Variants in CRYM observed in about 807,000 individuals in gnomAD.
The protein encoded by CRYM is crystallin mu, also known as ketimine reductase mu-crystallin.
A neutral mutation model predicts 32.9 loss-of-function variants in CRYM; 18 were observed. The observed-to-expected ratio is 0.55, with a 90% CI of 0.38 to 0.81. CRYM has a LOEUF of 0.81. Among genes scored for constraint, CRYM ranks in the 30% least tolerant of loss-of-function variants. CRYM has a pLI of 0.00. For synonymous variants in CRYM, 153 were observed against 152.4 expected (o/e 1.00, Z -0.03); for missense variants, 337 against 393.5 (o/e 0.86, Z 1.21).
chr16:21,261,167 GTCTGGTGAC>G (rs897340131), intron 7 of CRYM, 78 bp downstream of exon 7: 2 of 953,786 alleles, frequency 2.1e-6, no homozygotes, highest in Non-Finnish European at 3.4e-6. Context: ...CAGCTGCAGA[GTCTGGTGAC>G]TCATTGCTCT....
intron 5 of CRYM, among the ~76,000 whole-genome samples, chr16:21,264,701 A>T (rs1378435944): frequency 1.3e-5 from 2 of 152,216 alleles, no homozygotes; most frequent in African/African-American, 2.4e-5. Context: ...CCTTGACTCA[A>T]AATCAAGTCA....
At chr16:21,262,016 C>T in intron 6 of CRYM, 21 bp downstream of exon 6, 1 of 1,613,650 alleles carries the variant, frequency 6.2e-7, no homozygotes, top group South Asian at 1.1e-5. Context: ...GCAGCCCTGA[C>T]TGGGGTCAGA....
At chr16:21,293,188 C>G (rs973618089) in intron 1 of CRYM, among the ~76,000 whole-genome samples, 4 of 152,124 alleles carry the variant, frequency 2.6e-5, no homozygotes, top group African/African-American at 9.7e-5. Flanking sequence ...CCTGTAAAAG[C>G]TTGTGATTAT....
At chr16:21,267,208 A>T (rs1205197376) in intron 5 of CRYM, among the ~76,000 whole-genome samples, 1 of 151,604 alleles carries the variant, frequency 6.6e-6, no homozygotes, top group African/African-American at 2.4e-5. Flanking sequence ...AGCCATTCTC[A>T]TGCCTCAGCC....
intron 5 of CRYM, among the ~76,000 whole-genome samples, chr16:21,264,521 G>A (rs1446805038): frequency 6.6e-6 from 1 of 152,168 alleles, no homozygotes; most frequent in African/African-American, 2.4e-5. Context: ...GGGAGGCATG[G>A]GGCAGGGTGG....
chr16:21,269,923 A>C (rs1402205117), intron 3 of CRYM, 32 bp from the exon 4 acceptor site: 1 of 1,496,180 alleles, frequency 6.7e-7, no homozygotes, highest in South Asian at 1.1e-5. Context: ...GCAAAGGTCA[A>C]GGGAGACCCT....
chr16:21,274,708 C>T (rs926076409), intron 3 of CRYM, among the ~76,000 whole-genome samples: 4 of 152,048 alleles, frequency 2.6e-5, no homozygotes, highest in South Asian at 2.1e-4. Context: ...TGAGTTCAAA[C>T]GTTTCTCCTG....
chr16:21,263,108 G>A (rs887185831), intron 5 of CRYM, among the ~76,000 whole-genome samples: 2 of 152,084 alleles, frequency 1.3e-5, no homozygotes, highest in African/African-American at 4.8e-5. Context: ...GGTGCAATCA[G>A]AACTCACCAC....
chr16:21,290,674 A>G (rs1228231597), intron 1 of CRYM, among the ~76,000 whole-genome samples: 4 of 152,142 alleles, frequency 2.6e-5, no homozygotes, highest in Non-Finnish European at 4.4e-5. Flanking sequence ...TCAGAGCCTT[A>G]CCTCTTAAAC....
chr16:21,268,216 C>T (rs572271845), intron 4 of CRYM, among the ~76,000 whole-genome samples: 2 of 152,090 alleles, frequency 1.3e-5, no homozygotes, highest in Admixed American at 6.5e-5. Flanking sequence ...TCTGAGACCC[C>T]GTAAAGGAGT....
chr16:21,297,121 C>T (rs1390606549), intron 1 of CRYM, among the ~76,000 whole-genome samples: 4 of 152,144 alleles, frequency 2.6e-5, no homozygotes, highest in South Asian at 4.1e-4. Flanking sequence ...AGGCCAGGCG[C>T]GGTGGCTCAC....
chr16:21,297,658 T>C (rs1299624088), intron 1 of CRYM, among the ~76,000 whole-genome samples: 1 of 152,160 alleles, frequency 6.6e-6, no homozygotes, highest in African/African-American at 2.4e-5. Context: ...AATATAACAA[T>C]AAATAGAACC....
At chr16:21,293,389 G>A (rs1403454436) in intron 1 of CRYM, among the ~76,000 whole-genome samples, 1 of 152,156 alleles carries the variant, frequency 6.6e-6, no homozygotes, top group African/African-American at 2.4e-5. Context: ...ATAGAGAGCA[G>A]GTGAGGATTC....
chr16:21,289,993 G>A lies in CRYM; in HGVS notation c.-192-11033C>T, dbSNP rs567472018. On this transcript the variant is annotated intron_variant, in intron 1 of 9. Coordinates refer to the CRYM transcript ENST00000219599. Reference sequence around the variant, plus strand: ...TAAAGGATTGTAAATGGACCAATCAGCACTCTGTAAAATGGACCAATCAGC... The same window carrying A: ...TAAAGGATTGTAAATGGACCAATCAACACTCTGTAAAATGGACCAATCAGC... Among the ~76,000 whole-genome samples the A allele has an allele frequency of 4.1e-5, 6 of 148,126 alleles. No homozygotes were observed. In the South Asian group the frequency reaches 1.1e-3, roughly 26 times the overall value.
At chr16:21,301,726 G>T (rs1960943232) in intron 1 of CRYM, among the ~76,000 whole-genome samples, 1 of 152,238 alleles carries the variant, frequency 6.6e-6, no homozygotes, top group African/African-American at 2.4e-5. Flanking sequence ...CGCGCCCCCA[G>T]CCCTAGTGCA....
At chr16:21,270,403 C>A (rs2093372808) in intron 3 of CRYM, among the ~76,000 whole-genome samples, 2 of 152,010 alleles carry the variant, frequency 1.3e-5, no homozygotes, top group South Asian at 4.2e-4. Flanking sequence ...CCTACCTCAG[C>A]CCCCCGTGGA....
At chr16:21,290,947 G>A (rs1960636253) in intron 1 of CRYM, among the ~76,000 whole-genome samples, 1 of 152,186 alleles carries the variant, frequency 6.6e-6, no homozygotes, top group South Asian at 2.1e-4. Flanking sequence ...GAAGACAGAT[G>A]ATATGGACAT....
intron 7 of CRYM, 100 bp from the exon 8 acceptor site, chr16:21,258,945 GC>G: frequency 2.2e-6 from 2 of 909,436 alleles, no homozygotes; most frequent in Non-Finnish European, 1.8e-6. Flanking sequence ...TGTCCATGTT[GC>G]CAATGCCTAT....
chr16:21,269,779 C>CCCCCCCCG lies in CRYM; in HGVS notation c.489+10_489+11insCGGGGGGG. On this transcript the variant is annotated intron_variant, in intron 4 of 7. Transcript: ENST00000572914. ...TTCCCTCTTCTCTCCCACCCCCACC[C>CCCCCCCCG]CTGGACTTACCTCCTTAAAGGAGAA... 1 of 1,454,142 alleles carries CCCCCCCCG rather than the reference C, an allele frequency of 6.9e-7. No individual in the cohort carries two copies. Among genetic ancestry groups the CCCCCCCCG allele is most frequent in the South Asian group, 1.1e-5 (1 of 87,774 alleles). 90.1% of individuals were successfully genotyped at this position (1,454,142 alleles called of 1,614,324 possible).
Sources: gnomAD v4.1 joint callset for allele counts (sites outside exome capture counted in the v4.1 genomes callset) on GRCh38, gnomAD v4.1.1 for gene constraint, MANE v1.5 for transcripts, NCBI Gene and HGNC (gene_info 2026-07-23, HGNC 2026-07-21) for gene names.